MTA3: variants seen among roughly 807,000 people sequenced by gnomAD.
The protein encoded by MTA3 is metastasis associated 1 family member 3.
Under a neutral mutation model 83.5 loss-of-function variants are expected in MTA3, and 34 were observed. The ratio of observed to expected loss-of-function variants is 0.41; its 90% CI spans 0.31 to 0.54. MTA3 has a LOEUF of 0.54. Among genes scored for constraint, MTA3 ranks in the 20% least tolerant of loss-of-function variants. MTA3 has a pLI of 0.33. For synonymous variants in MTA3, 303 were observed against 252.7 expected (o/e 1.20, Z -1.89); for missense variants, 761 against 726.4 (o/e 1.05, Z -0.55).
At chr2:42,671,074 T>G (rs1573558393) in intron 8 of MTA3, among the ~76,000 whole-genome samples, 1 of 152,218 alleles carries the variant, frequency 6.6e-6, no homozygotes, top group African/African-American at 2.4e-5. Context: ...TCCTGAACGA[T>G]TCGTTAGTCT....
At chr2:42,689,782 T>G (rs1328346468) in intron 9 of MTA3, among the ~76,000 whole-genome samples, 1 of 150,988 alleles carries the variant, frequency 6.6e-6, no homozygotes, top group Non-Finnish European at 1.5e-5. Flanking sequence ...TCTTTTTTTT[T>G]TTTTCTTTTT....
chr2:42,594,724 A>ATTTTTTTTTT (rs1290668170), intron 3 of MTA3, among the ~76,000 whole-genome samples: 1 of 31,270 alleles, frequency 3.2e-5, no homozygotes, highest in Non-Finnish European at 4.9e-5. Context: ...ATATATATAT[A>ATTTTTTTTTT]TATATTTTTT....
At chr2:42,664,677 C>G (rs1383964245) in intron 8 of MTA3, among the ~76,000 whole-genome samples, 2 of 151,846 alleles carry the variant, frequency 1.3e-5, no homozygotes, top group East Asian at 3.9e-4. Flanking sequence ...CGCTTTAGCA[C>G]CTTTTTCTAT....
intron 16 of MTA3, among the ~76,000 whole-genome samples, chr2:42,748,303 A>T (rs920107593): frequency 2.0e-5 from 3 of 151,264 alleles, no homozygotes; most frequent in South Asian, 2.1e-4. Flanking sequence ...TGACCTCATG[A>T]TCCGCCTGCC....
At chr2:42,668,621 T>C (rs1247481851) in intron 8 of MTA3, among the ~76,000 whole-genome samples, 2 of 152,226 alleles carry the variant, frequency 1.3e-5, no homozygotes, top group Non-Finnish European at 2.9e-5. Context: ...TAATCTTTGT[T>C]GAGCCTCATT....
At chr2:42,577,293 G>T (rs1368799302) in intron 2 of MTA3, among the ~76,000 whole-genome samples, 1 of 151,490 alleles carries the variant, frequency 6.6e-6, no homozygotes, top group African/African-American at 2.4e-5. Context: ...AGGGGAAGAG[G>T]AATATGGTAG....
rs145278429 is a variant in MTA3, at chr2:42,720,936, A to G, written c.1612+1862A>G. ...CACCACACTCCAGTCCAAGTGACCA[A>G]TTGAGACCCTGTCTCAAAAAAAAAA... is the stretch of plus-strand genomic sequence containing the variant. On this transcript the variant is annotated intron_variant, in intron 15 of 16. Transcript: ENST00000405094. Among the ~76,000 whole-genome samples, 647 of 140,994 alleles carry G rather than the reference A, an allele frequency of 4.6e-3. 9 individuals carry two copies. Among genetic ancestry groups the G allele is most frequent in the African/African-American group, 0.017 (618 of 36,732 alleles). 92.5% of individuals were successfully genotyped at this position (140,994 alleles called of 152,430 possible). A position where few individuals can be genotyped will look rare whatever the true frequency, so the allele number is the denominator to read the frequency against.
chr2:42,690,907 C>T (rs928910610), intron 9 of MTA3, among the ~76,000 whole-genome samples: 2 of 147,398 alleles, frequency 1.4e-5, no homozygotes, highest in Non-Finnish European at 3.0e-5. Context: ...GACAAAGTCT[C>T]ACTCTGTTGC....
intron 2 of MTA3, among the ~76,000 whole-genome samples, chr2:42,538,160 G>A (rs988695736): frequency 2.0e-5 from 3 of 152,132 alleles, no homozygotes; most frequent in Admixed American, 6.6e-5. Flanking sequence ...GTGAACCCGG[G>A]AGGTGGAGCT....
chr2:42,724,021 C>T (rs927705367), intron 16 of MTA3, among the ~76,000 whole-genome samples: 18 of 152,106 alleles, frequency 1.2e-4, no homozygotes, highest in Non-Finnish European at 2.5e-4. Flanking sequence ...AATTTAGCTA[C>T]CCAGAAGTCT....
At chr2:42,522,395 C>T (rs1305997261) in intron 2 of MTA3, among the ~76,000 whole-genome samples, 2 of 152,110 alleles carry the variant, frequency 1.3e-5, no homozygotes, top group South Asian at 2.1e-4. Context: ...GGAATAATTT[C>T]GTTCCTTGCA....
At chr2:42,592,353 A>G (rs1250799384) in intron 3 of MTA3, among the ~76,000 whole-genome samples, 1 of 151,986 alleles carries the variant, frequency 6.6e-6, no homozygotes, top group Non-Finnish European at 1.5e-5. Context: ...GGAGGCTGAG[A>G]TGGGAGGATC....
At chr2:42,626,195 G>A (rs1686070482) in intron 4 of MTA3, among the ~76,000 whole-genome samples, 1 of 150,716 alleles carries the variant, frequency 6.6e-6, no homozygotes, top group Non-Finnish European at 1.5e-5. Flanking sequence ...TGCCCGCCTC[G>A]GCCTCCCAAA....
At chr2:42,527,122 G>A (rs13408885) in intron 2 of MTA3, among the ~76,000 whole-genome samples, 1 of 146,886 alleles carries the variant, frequency 6.8e-6, no homozygotes, top group Non-Finnish European at 1.5e-5. Context: ...AATGTACTCC[G>A]AGTTTCCAGA....
rs1442257123 is a variant in MTA3 at position 42,756,778 on chromosome 2, G to A, written c.*3379G>A. On this transcript the variant is annotated 3_prime_UTR_variant, in exon 17 of 17. Transcript: ENST00000405094. Reference sequence around the variant, plus strand: ...TCCTGTTCCTCTGCACTATGTCTCTGATTTTCCCTGCCAGGGAAGCTAACC... The same window carrying A: ...TCCTGTTCCTCTGCACTATGTCTCTAATTTTCCCTGCCAGGGAAGCTAACC... 3 of 985,302 alleles carry A rather than the reference G, an allele frequency of 3.0e-6. No homozygotes were observed. Among genetic ancestry groups the A allele is most frequent in the African/African-American group, 3.5e-5 (2 of 57,202 alleles). The allele number at this position is 985,302 out of a possible 1,614,324, so 61.0% of individuals were successfully genotyped here.
At chr2:42,499,754 C>T (rs1286278324) in intron 2 of MTA3, among the ~76,000 whole-genome samples, 1 of 147,790 alleles carries the variant, frequency 6.8e-6, no homozygotes. Flanking sequence ...AGGCAATGCA[C>T]TACAGCCTAG....
intron 4 of MTA3, among the ~76,000 whole-genome samples, chr2:42,635,424 T>C (rs1687089967): frequency 6.6e-6 from 1 of 152,068 alleles, no homozygotes. Flanking sequence ...AATTAGGAGT[T>C]CGAGACCAGC....
chr2:42,594,729 T>TATATATATATATATATATATA (rs1491154379), intron 3 of MTA3, among the ~76,000 whole-genome samples: 3 of 19,140 alleles, frequency 1.6e-4, no homozygotes, highest in Admixed American at 8.2e-4. Context: ...TATATATATA[T>TATATATATATATATATATATA]TTTTTTTTTT....
At chr2:42,533,833 A>G in intron 2 of MTA3, among the ~76,000 whole-genome samples, 1 of 9,048 alleles carries the variant, frequency 1.1e-4, no homozygotes, top group South Asian at 0.01. Flanking sequence ...CTCCGTCTCA[A>G]AAAAAAAAAA....
Sources: allele counts gnomAD v4.1 joint callset (sites outside exome capture counted in the v4.1 genomes callset), GRCh38; gene constraint gnomAD v4.1.1; transcripts MANE v1.5; gene names NCBI Gene and HGNC (gene_info 2026-07-23, HGNC 2026-07-21).